The following IGF2BP3 variants were observed in gnomAD, a reference collection of about 807,000 sequenced individuals.
IGF2BP3 encodes the protein insulin-like growth factor 2 mRNA-binding protein 3.
A neutral mutation model predicts 73.8 loss-of-function variants in IGF2BP3; 9 were observed. The ratio of observed to expected loss-of-function variants is 0.12; its 90% CI spans 0.07 to 0.21. IGF2BP3 has a LOEUF of 0.21. IGF2BP3 is among the 10% of genes least tolerant of loss of function. The probability of loss-of-function intolerance (pLI) is 1.00; values close to 1 mark genes in which losing one functional copy is unlikely to be tolerated. For synonymous variants in IGF2BP3, 258 were observed against 256.7 expected, an observed-to-expected ratio of 1.01 and a Z score of -0.05; for missense variants, 542 against 714.0, an observed-to-expected ratio of 0.76 and a Z score of 2.75.
At chr7:23,406,864 G>A (rs1239243365) in intron 3 of IGF2BP3, among the ~76,000 whole-genome samples, 1 of 152,148 alleles carries the variant, frequency 6.6e-6, no homozygotes, top group Non-Finnish European at 1.5e-5. Flanking sequence ...GAAACTGAGT[G>A]CTGACTGGTG....
intron 10 of IGF2BP3, among the ~76,000 whole-genome samples, chr7:23,321,918 T>A (rs1277374073): frequency 6.6e-6 from 1 of 151,908 alleles, no homozygotes; most frequent in Non-Finnish European, 1.5e-5. Flanking sequence ...CAAAAACCCA[T>A]CTGTACATCA....
At chr7:23,372,136 C>T (rs554768264) in intron 3 of IGF2BP3, among the ~76,000 whole-genome samples, 25 of 151,634 alleles carry the variant, frequency 1.6e-4, no homozygotes, top group Non-Finnish European at 2.9e-4. Flanking sequence ...TGCAGTGGCA[C>T]GATCTTGGCT....
intron 2 of IGF2BP3, among the ~76,000 whole-genome samples, chr7:23,432,637 A>T (rs906381596): frequency 6.6e-6 from 1 of 151,104 alleles, no homozygotes; most frequent in Non-Finnish European, 1.5e-5. Context: ...TTCATTTTTT[A>T]ATTTTTTTTT....
chr7:23,348,469 G>T (rs538310384), intron 6 of IGF2BP3, among the ~76,000 whole-genome samples: 1 of 152,176 alleles, frequency 6.6e-6, no homozygotes, highest in Non-Finnish European at 1.5e-5. Flanking sequence ...GAGCAAACTG[G>T]TCAGCAAAAT....
intron 6 of IGF2BP3, among the ~76,000 whole-genome samples, chr7:23,349,924 A>C (rs1048504357): frequency 1.3e-5 from 2 of 152,202 alleles, no homozygotes; most frequent in African/African-American, 4.8e-5. Context: ...GAAGCCCTTA[A>C]ATTTTAAGAT....
intron 5 of IGF2BP3, among the ~76,000 whole-genome samples, chr7:23,356,904 T>C (rs977500712): frequency 3.9e-5 from 6 of 152,092 alleles, no homozygotes; most frequent in Non-Finnish European, 5.9e-5. Context: ...GAAGACGGGA[T>C]AGGAAACTGT....
At chr7:23,362,947 G>T (rs1785269515) in intron 3 of IGF2BP3, among the ~76,000 whole-genome samples, 1 of 151,958 alleles carries the variant, frequency 6.6e-6, no homozygotes, top group Non-Finnish European at 1.5e-5. Context: ...TAGAGATGAG[G>T]TCTTACTACG....
At chr7:23,363,175 T>C (rs977407668) in intron 3 of IGF2BP3, among the ~76,000 whole-genome samples, 1 of 152,262 alleles carries the variant, frequency 6.6e-6, no homozygotes, top group African/African-American at 2.4e-5. Flanking sequence ...GGAAGGTTTA[T>C]CTTATGTGGT....
At chr7:23,355,275 G>T (rs138035830) in intron 5 of IGF2BP3, among the ~76,000 whole-genome samples, 1 of 150,162 alleles carries the variant, frequency 6.7e-6, no homozygotes, top group Admixed American at 6.6e-5. Context: ...AGGCTGGAGC[G>T]CAATGACGCG....
chr7:23,435,800 C>A (rs532221191), intron 2 of IGF2BP3, among the ~76,000 whole-genome samples: 1 of 152,108 alleles, frequency 6.6e-6, no homozygotes, highest in East Asian at 1.9e-4. Flanking sequence ...CTCTGCAGCC[C>A]AGGCTGGAGG....
At chr7:23,395,251 C>G (rs996898354) in intron 3 of IGF2BP3, among the ~76,000 whole-genome samples, 2 of 151,920 alleles carry the variant, frequency 1.3e-5, no homozygotes, top group African/African-American at 4.8e-5. Context: ...ATTAGAAAGC[C>G]TAACCAAAAC....
chr7:23,339,356 A>G (rs1784651720), intron 10 of IGF2BP3, among the ~76,000 whole-genome samples: 1 of 152,238 alleles, frequency 6.6e-6, no homozygotes, highest in South Asian at 2.1e-4. Context: ...TAAGTTCTTA[A>G]TATGATCTCA....
At chr7:23,337,596 T>C (rs1784605672) in intron 10 of IGF2BP3, among the ~76,000 whole-genome samples, 1 of 152,244 alleles carries the variant, frequency 6.6e-6, no homozygotes, top group Non-Finnish European at 1.5e-5. Context: ...CTCTTGCAGC[T>C]AGACACAGCC....
In IGF2BP3 at chr7:23,444,003, C is replaced by T. The variant is rs570996561; in HGVS notation, c.236+24479G>A. Among the ~76,000 whole-genome samples the T allele has an allele frequency of 7.3e-5, 11 of 151,450 alleles. No homozygotes were observed. In the South Asian group the frequency reaches 1.0e-3, roughly 14 times the overall value. ...CTGCCTGGGAAACAGAGGGAGACTT[C>T]GTCTCAAAAAACAAAATACAAAACA... On this transcript the variant is annotated intron_variant, in intron 2 of 14. Coordinates refer to ENST00000258729, the MANE Select transcript of IGF2BP3 (RefSeq NM_006547.3).
chr7:23,441,915 G>A (rs988292698), intron 2 of IGF2BP3, among the ~76,000 whole-genome samples: 7 of 152,008 alleles, frequency 4.6e-5, no homozygotes, highest in South Asian at 2.1e-4. Context: ...ACCTGAGGTC[G>A]TGAGTTTGAG....
chr7:23,351,652 G>T (rs1331083376), intron 5 of IGF2BP3, 66 bp from the exon 6 acceptor site: 1 of 1,535,634 alleles, frequency 6.5e-7, no homozygotes, highest in Non-Finnish European at 8.9e-7. Flanking sequence ...TTTTAGCAAA[G>T]CAACACCCAT....
At chr7:23,395,115 C>T (rs1786408947) in intron 3 of IGF2BP3, among the ~76,000 whole-genome samples, 1 of 152,204 alleles carries the variant, frequency 6.6e-6, no homozygotes, top group South Asian at 2.1e-4. Flanking sequence ...GCAGCCCTCA[C>T]TGATGTTTCT....
chr7:23,332,810 T>C (rs1180363529), intron 10 of IGF2BP3, among the ~76,000 whole-genome samples: 3 of 152,202 alleles, frequency 2.0e-5, no homozygotes, highest in Admixed American at 1.3e-4. Context: ...AATGTTAGCA[T>C]TACTTCATCA....
chr7:23,411,835 A>C (rs1406510878), intron 3 of IGF2BP3, among the ~76,000 whole-genome samples: 1 of 152,082 alleles, frequency 6.6e-6, no homozygotes, highest in Non-Finnish European at 1.5e-5. Flanking sequence ...TCCACTTCTC[A>C]GCACACGTTC....
Sources: gnomAD v4.1 joint callset for allele counts (sites outside exome capture counted in the v4.1 genomes callset) on GRCh38, gnomAD v4.1.1 for gene constraint, MANE v1.5 for transcripts, NCBI Gene and HGNC (gene_info 2026-07-23, HGNC 2026-07-21) for gene names.